The following WDR59 variants were observed in gnomAD, a reference collection of about 807,000 sequenced individuals.
The protein encoded by WDR59 is WD repeat domain 59, also known as GATOR2 complex protein WDR59.
In WDR59, 100 loss-of-function variants were observed where a neutral mutation model predicts 131.2. The ratio of observed to expected loss-of-function variants is 0.76; its 90% CI spans 0.65 to 0.90. The LOEUF (loss-of-function observed/expected upper bound fraction) is 0.90, where lower values mean the gene tolerates loss of function less well. WDR59 is among the 40% of genes least tolerant of loss of function. The pLI is 0.00. For missense variants in WDR59, 1,203 were observed against 1,262.2 expected, an observed-to-expected ratio of 0.95 and a Z score of 0.71; for synonymous variants, 601 against 466.2, an observed-to-expected ratio of 1.29 and a Z score of -3.72.
intron 1 of WDR59, among the ~76,000 whole-genome samples, chr16:74,981,652 A>ATTTTTT (rs1567450950): frequency 1.3e-4 from 1 of 7,734 alleles, no homozygotes; most frequent in Non-Finnish European, 7.2e-4. Flanking sequence ...ATATATATAT[A>ATTTTTT]TATATATATT....
intron 1 of WDR59, among the ~76,000 whole-genome samples, chr16:74,981,641 TATATATATATATATA>T (rs1357682391): frequency 0.47 from 23,471 of 50,052 alleles, 5,623 homozygotes; most frequent in Non-Finnish European, 0.54. Flanking sequence ...TATATATATA[TATATATATATATATA>T]TATATTTTTT....
chr16:74,923,939 T>C lies in WDR59; in HGVS notation c.716A>G (p.Lys239Arg). The change falls in exon 9 of 26, where the codon AAG becomes AGG. Residue 239 changes from lysine to arginine, a missense_variant. Lys to Arg is a conservative substitution (Grantham distance 26). Transcript: ENST00000262144. ...TGGCTCACTCACTGTGTATCTGGCC[T>C]TCCAGACAGGCACCTGGCAAGGAAG... is the stretch of plus-strand genomic sequence containing the variant. Reference protein sequence around the residue: ...NILPCQVPVWKARYTPFSNGL... With the variant: ...NILPCQVPVWRARYTPFSNGL... The C allele has an allele frequency of 6.2e-7, 1 of 1,613,572 alleles. No homozygotes were observed. The highest frequency in any genetic ancestry group is 8.5e-7 in the Non-Finnish European group (1 of 1,179,948).
chr16:74,953,436 G>A (rs1035159173), intron 3 of WDR59, among the ~76,000 whole-genome samples: 7 of 146,760 alleles, frequency 4.8e-5, no homozygotes, highest in African/African-American at 1.8e-4. Context: ...TGGCGCCACT[G>A]CACTCCAGCC....
chr16:74,948,493 G>C, intron 6 of WDR59, 26 bp downstream of exon 6: 2 of 1,608,414 alleles, frequency 1.2e-6, no homozygotes, highest in Non-Finnish European at 1.7e-6. Context: ...AGGCGCCAGG[G>C]TGAGGTGGGA....
intron 23 of WDR59, among the ~76,000 whole-genome samples, chr16:74,886,667 C>T (rs1567688069): frequency 6.6e-6 from 1 of 152,188 alleles, no homozygotes; most frequent in South Asian, 2.1e-4. Context: ...TGCCTGGAAT[C>T]CCAGCACTTT....
At chr16:74,983,246 A>T (rs148237102) in intron 1 of WDR59, among the ~76,000 whole-genome samples, 2 of 152,028 alleles carry the variant, frequency 1.3e-5, no homozygotes, top group African/African-American at 2.4e-5. Flanking sequence ...GCCAAGGCAG[A>T]TGGATCACTT....
intron 1 of WDR59, among the ~76,000 whole-genome samples, chr16:74,968,595 T>C (rs1256271309): frequency 6.6e-6 from 1 of 151,984 alleles, no homozygotes; most frequent in Non-Finnish European, 1.5e-5. Context: ...GTGGCATGCA[T>C]CTGCAGTCCC....
At chr16:74,957,967 C>T (rs532683568) in intron 2 of WDR59, among the ~76,000 whole-genome samples, 73 of 152,250 alleles carry the variant, frequency 4.8e-4, no homozygotes, top group African/African-American at 1.7e-3. Flanking sequence ...GAACAAATAT[C>T]ACATAGAATC....
At chr16:74,874,973 G>C (rs1254652643) in intron 25 of WDR59, among the ~76,000 whole-genome samples, 2 of 152,082 alleles carry the variant, frequency 1.3e-5, no homozygotes, top group Non-Finnish European at 2.9e-5. Context: ...TTTCTCAGGG[G>C]CTCCGCATGG....
At chr16:74,901,769 C>A (rs150453847) in intron 18 of WDR59, among the ~76,000 whole-genome samples, 10 of 152,198 alleles carry the variant, frequency 6.6e-5, no homozygotes, top group African/African-American at 2.4e-4. Context: ...AACTAGGCAG[C>A]TGAGGATTAG....
rs1450246703 is a variant in WDR59 at position 74,922,005 on chromosome 16, G to A, written c.828C>T (p.His276=). The change falls in exon 10 of 26, where the codon CAC becomes CAT. Residue 276 remains histidine (H), a synonymous_variant. Transcript: ENST00000262144. ...CCACATCATCATGCCCCACGAAGGT[G>A]TGGACTGGGGTGTTCAAGTCAAAGA... The part of the protein sequence containing the change: ...WNVFDLNTPV[H]TFVGHDDVVL... 1.2e-6 allele frequency: 2 copies of A among 1,614,086 alleles called. No homozygotes were observed. The highest frequency in any genetic ancestry group is 1.7e-6 in the Non-Finnish European group (2 of 1,180,032).
At chr16:74,955,370 T>C (rs1567429771) in intron 3 of WDR59, among the ~76,000 whole-genome samples, 3 of 151,942 alleles carry the variant, frequency 2.0e-5, no homozygotes, top group South Asian at 4.1e-4. Flanking sequence ...CCACAAAGAA[T>C]GACCTAACAA....
intron 6 of WDR59, among the ~76,000 whole-genome samples, chr16:74,946,172 A>C (rs921128911): frequency 6.6e-6 from 1 of 152,140 alleles, no homozygotes; most frequent in Non-Finnish European, 1.5e-5. Flanking sequence ...TATTATTATT[A>C]GTTGTTGCTG....
At chr16:74,959,662 C>T (rs2033469351) in intron 2 of WDR59, 5 of 370,066 alleles carry the variant, frequency 1.4e-5, no homozygotes, top group Non-Finnish European at 2.6e-5. Flanking sequence ...TGTGCCTGTA[C>T]TCCCAGCTAC....
chr16:74,980,489 A>G (rs1301129906), intron 1 of WDR59, among the ~76,000 whole-genome samples: 4 of 149,946 alleles, frequency 2.7e-5, no homozygotes, highest in Non-Finnish European at 4.4e-5. Context: ...GAGTAGGTGG[A>G]ATTACAGGCA....
intron 10 of WDR59, 96 bp from the exon 11 acceptor site, chr16:74,918,104 C>T (rs562428118): frequency 1.7e-6 from 2 of 1,163,086 alleles, no homozygotes; most frequent in African/African-American, 1.5e-5. Context: ...ATCCATTCAA[C>T]AAACATCTAC....
chr16:74,894,027 T>C (rs1965169908), intron 18 of WDR59: 1 of 504,802 alleles, frequency 2.0e-6, no homozygotes, highest in African/African-American at 1.9e-5. Flanking sequence ...CCAGGCTAGA[T>C]ACATTCTGCA....
intron 25 of WDR59, among the ~76,000 whole-genome samples, chr16:74,875,133 T>C (rs930632028): frequency 1.3e-5 from 2 of 152,230 alleles, no homozygotes; most frequent in African/African-American, 4.8e-5. Flanking sequence ...GAGGGCAGAC[T>C]GGCTTTACCA....
chr16:74,959,551 C>A (rs1323956382), intron 2 of WDR59: 1 of 453,170 alleles, frequency 2.2e-6, no homozygotes, highest in Non-Finnish European at 4.4e-6. Flanking sequence ...TCGCTTGAGG[C>A]CCGGAGTTAA....
Sources: gnomAD v4.1 joint callset for allele counts (sites outside exome capture counted in the v4.1 genomes callset) on GRCh38, gnomAD v4.1.1 for gene constraint, MANE v1.5 for transcripts, NCBI Gene and HGNC (gene_info 2026-07-23, HGNC 2026-07-21) for gene names.